Variants in DLG2 observed in about 807,000 individuals in gnomAD.
The protein encoded by DLG2 is discs large MAGUK scaffold protein 2.
In DLG2, 45 loss-of-function variants were observed where a neutral mutation model predicts 132.5. That is an observed-to-expected ratio of 0.34 (90% CI 0.27 to 0.44). DLG2 has a LOEUF of 0.44. DLG2 is among the 20% of genes least tolerant of loss of function. DLG2 has a pLI of 1.00. For missense variants in DLG2, 1,045 were observed against 1,196.9 expected (o/e 0.87, Z 1.87); for synonymous variants, 424 against 419.6 (o/e 1.01, Z -0.13).
intron 6 of DLG2, among the ~76,000 whole-genome samples, chr11:85,059,176 C>T (rs949915470): frequency 1.3e-5 from 2 of 150,522 alleles, no homozygotes; most frequent in Admixed American, 6.6e-5. Flanking sequence ...AAACCCAGAC[C>T]GATAAATATA....
At chr11:83,554,869 T>C (rs575794895) in intron 19 of DLG2, among the ~76,000 whole-genome samples, 16 of 152,340 alleles carry the variant, frequency 1.1e-4, no homozygotes, top group African/African-American at 3.8e-4. Context: ...GCTTCAGTCA[T>C]ATTCAATAAA....
intron 3 of DLG2, among the ~76,000 whole-genome samples, chr11:85,307,215 A>G (rs1362404996): frequency 2.0e-5 from 3 of 152,176 alleles, no homozygotes; most frequent in Non-Finnish European, 4.4e-5. Context: ...ATCTGTCAAA[A>G]CAACACCACC....
chr11:84,898,869 G>A (rs2090531754), intron 6 of DLG2, among the ~76,000 whole-genome samples: 1 of 151,986 alleles, frequency 6.6e-6, no homozygotes, highest in Admixed American at 6.6e-5. Flanking sequence ...TGTGTAGTAA[G>A]CTCTGTATAT....
At chr11:83,869,344 G>A (rs2062993057) in intron 16 of DLG2, among the ~76,000 whole-genome samples, 1 of 152,106 alleles carries the variant, frequency 6.6e-6, no homozygotes, top group African/African-American at 2.4e-5. Flanking sequence ...AGGAGTAAAG[G>A]AGAGAACAAG....
At chr11:83,603,262 T>A (rs2058838695) in intron 19 of DLG2, among the ~76,000 whole-genome samples, 1 of 152,216 alleles carries the variant, frequency 6.6e-6, no homozygotes, top group Non-Finnish European at 1.5e-5. Context: ...ATAATTTCCT[T>A]CCTAAGTACT....
intron 6 of DLG2, among the ~76,000 whole-genome samples, chr11:84,674,887 C>T (rs1247566349): frequency 6.6e-6 from 1 of 152,170 alleles, no homozygotes; most frequent in Non-Finnish European, 1.5e-5. Flanking sequence ...GCCTCCATCT[C>T]ACCAAGTCTT....
chr11:84,433,470 G>A (rs2154474135), intron 7 of DLG2, among the ~76,000 whole-genome samples: 1 of 152,270 alleles, frequency 6.6e-6, no homozygotes, highest in Non-Finnish European at 1.5e-5. Context: ...CTTACACAGG[G>A]TCAAAACAAA....
intron 14 of DLG2, among the ~76,000 whole-genome samples, chr11:83,934,379 C>A (rs1264394195): frequency 1.3e-5 from 2 of 151,730 alleles, no homozygotes; most frequent in Non-Finnish European, 2.9e-5. Context: ...ATTATAAATT[C>A]TTTTGCATTA....
chr11:84,481,170 A>G (rs2099136496), intron 7 of DLG2, among the ~76,000 whole-genome samples: 1 of 152,162 alleles, frequency 6.6e-6, no homozygotes, highest in South Asian at 2.1e-4. Context: ...ACCTGCTATT[A>G]TTAATATTTT....
At chr11:83,973,551 A>G (rs1364529971) in intron 12 of DLG2, among the ~76,000 whole-genome samples, 3 of 152,070 alleles carry the variant, frequency 2.0e-5, no homozygotes, top group Non-Finnish European at 4.4e-5. Context: ...TAATTGCTAA[A>G]TTATACTCTA....
chr11:85,078,950 T>C (rs1487859901), intron 6 of DLG2, among the ~76,000 whole-genome samples: 2 of 152,070 alleles, frequency 1.3e-5, no homozygotes, highest in Non-Finnish European at 2.9e-5. Context: ...GACATGCCTG[T>C]GACATGGCCT....
intron 7 of DLG2, among the ~76,000 whole-genome samples, chr11:84,527,823 A>T (rs1353021419): frequency 6.6e-6 from 1 of 151,908 alleles, no homozygotes; most frequent in Admixed American, 6.6e-5. Flanking sequence ...TATGAAGTTT[A>T]GAATTTATGA....
intron 22 of DLG2, among the ~76,000 whole-genome samples, chr11:83,474,782 A>T (rs1219331233): frequency 6.6e-6 from 1 of 151,692 alleles, no homozygotes; most frequent in East Asian, 1.9e-4. Flanking sequence ...TTAACTTTGG[A>T]AAGCATCGTT....
chr11:84,847,203 G>A (rs1312494450), intron 6 of DLG2, among the ~76,000 whole-genome samples: 7 of 152,128 alleles, frequency 4.6e-5, no homozygotes, highest in Non-Finnish European at 7.3e-5. Context: ...CTTTGGAACC[G>A]GATAGCATGC....
chr11:84,289,269 G>A (rs1285757289), intron 7 of DLG2, among the ~76,000 whole-genome samples: 2 of 152,020 alleles, frequency 1.3e-5, no homozygotes, highest in Non-Finnish European at 2.9e-5. Flanking sequence ...AACGAACAAT[G>A]CTTCTGTGAT....
chr11:83,821,051 C>A (rs919940816), intron 17 of DLG2, among the ~76,000 whole-genome samples: 1 of 152,184 alleles, frequency 6.6e-6, no homozygotes, highest in African/African-American at 2.4e-5. Flanking sequence ...CACCTATGAA[C>A]ACCTGTGTGT....
rs1473573697 is a variant in DLG2, at chr11:83,780,771, G to C, written c.1825+5919C>G. Among the ~76,000 whole-genome samples, 3 of 152,138 alleles carry C rather than the reference G, an allele frequency of 2.0e-5. No individual in the cohort carries two copies. The East Asian group carries it at 5.8e-4, about 29-fold the overall frequency. On this transcript the variant is annotated intron_variant, in intron 18 of 27. Coordinates refer to ENST00000376104, the MANE Select transcript of DLG2 (RefSeq NM_001142699.3). ...GAACTTCTTAGATCTCCTGCAGTTT[G>C]ACCTATCCCTGCTAAAACCACTGAG...
chr11:84,855,818 A>G (rs1187834533), intron 6 of DLG2, among the ~76,000 whole-genome samples: 4 of 152,098 alleles, frequency 2.6e-5, no homozygotes, highest in Non-Finnish European at 4.4e-5. Flanking sequence ...ATTAGCAGTC[A>G]GCATCCAGGA....
chr11:84,858,954 G>A (rs1025099964), intron 6 of DLG2, among the ~76,000 whole-genome samples: 1 of 151,940 alleles, frequency 6.6e-6, no homozygotes, highest in Non-Finnish European at 1.5e-5. Context: ...TCACATTTCA[G>A]GCACTTATTG....
Sources: gnomAD v4.1 joint callset for allele counts (sites outside exome capture counted in the v4.1 genomes callset) on GRCh38, gnomAD v4.1.1 for gene constraint, MANE v1.5 for transcripts, NCBI Gene and HGNC (gene_info 2026-07-23, HGNC 2026-07-21) for gene names.